The following GLB1 variants were observed in gnomAD, a reference collection of about 807,000 sequenced individuals.
The protein encoded by GLB1 is beta-galactosidase.
Under a neutral mutation model 74.0 loss-of-function variants are expected in GLB1, and 56 were observed. The ratio of observed to expected loss-of-function variants is 0.76; its 90% CI spans 0.61 to 0.94. GLB1 has a LOEUF of 0.94. Among genes scored for constraint, GLB1 ranks in the 40% least tolerant of loss-of-function variants. The pLI is 0.00. For synonymous variants in GLB1, 323 were observed against 323.6 expected (o/e 1.00, Z 0.02); for missense variants, 787 against 845.5 (o/e 0.93, Z 0.86).
At chr3:32,993,680 G>A (rs532046760), downstream of GLB1, among the ~76,000 whole-genome samples, 28 of 151,862 alleles carry the variant, frequency 1.8e-4, no homozygotes, top group East Asian at 5.4e-3. Context: ...GATTACAGGT[G>A]CCTGCCACCA....
chr3:33,096,275 G>T, intron 1 of GLB1: 1 of 575,876 alleles, frequency 1.7e-6, no homozygotes, highest in Non-Finnish European at 2.2e-6. Flanking sequence ...AGTCGCCTCA[G>T]CTCGGACGCA....
chr3:32,962,110 A>G, the GLB1 span, among the ~76,000 whole-genome samples: 3 of 151,842 alleles, frequency 2.0e-5, no homozygotes, highest in African/African-American at 7.3e-5. Flanking sequence ...AGGAGAATCG[A>G]TTAAACCCAG....
chr3:33,068,519 T>C (rs528852289), intron 3 of GLB1, among the ~76,000 whole-genome samples: 1 of 152,108 alleles, frequency 6.6e-6, no homozygotes, highest in African/African-American at 2.4e-5. Context: ...GCCCTTTTCA[T>C]AAAGATTTTT....
chr3:32,994,986 G>A (rs1452122828), downstream of GLB1, among the ~76,000 whole-genome samples: 2 of 151,852 alleles, frequency 1.3e-5, no homozygotes, highest in East Asian at 1.9e-4. Context: ...GTGGCAGAGT[G>A]CTGTAGGTGG....
At chr3:32,980,442 T>C in the GLB1 span, among the ~76,000 whole-genome samples, 1 of 152,256 alleles carries the variant, frequency 6.6e-6, no homozygotes, top group East Asian at 1.9e-4. Context: ...CCTCTAAATA[T>C]AGTGTTAGCT....
chr3:32,981,547 G>GTAGATCACT, the GLB1 span, among the ~76,000 whole-genome samples: 1 of 152,128 alleles, frequency 6.6e-6, no homozygotes, highest in African/African-American at 2.4e-5. Flanking sequence ...GCCGATATGG[G>GTAGATCACT]TAGATCACTT....
At chr3:33,091,081 G>C in intron 1 of GLB1, 7 of 985,410 alleles carry the variant, frequency 7.1e-6, no homozygotes, top group Non-Finnish European at 8.4e-6. Context: ...GCACCATCTA[G>C]CCCACCTGGT....
chr3:32,961,972 G>A, the GLB1 span, among the ~76,000 whole-genome samples: 1 of 152,194 alleles, frequency 6.6e-6, no homozygotes, highest in Non-Finnish European at 1.5e-5. Context: ...AAGGCAGGCG[G>A]ATCACTGGAG....
intron 1 of GLB1, among the ~76,000 whole-genome samples, chr3:33,084,752 A>C (rs1028343529): frequency 2.0e-5 from 3 of 152,212 alleles, no homozygotes; most frequent in African/African-American, 7.2e-5. Flanking sequence ...TAATTTCTTT[A>C]AAATTAAAAA....
chr3:33,035,823 C>A (rs1016639291), intron 10 of GLB1, among the ~76,000 whole-genome samples: 3 of 152,236 alleles, frequency 2.0e-5, no homozygotes, highest in Admixed American at 2.0e-4. Context: ...TTTTTGTTGC[C>A]TCATCCAATA....
At chr3:33,075,493 C>A (rs1700072620) in intron 1 of GLB1, among the ~76,000 whole-genome samples, 1 of 152,184 alleles carries the variant, frequency 6.6e-6, no homozygotes, top group Admixed American at 6.5e-5. Flanking sequence ...TATAGTATTA[C>A]CAAGCACCTC....
At chr3:33,003,536 A>G (rs1438996479) in intron 15 of GLB1, among the ~76,000 whole-genome samples, 2 of 152,254 alleles carry the variant, frequency 1.3e-5, no homozygotes, top group Non-Finnish European at 2.9e-5. Flanking sequence ...CTAGTTTCAA[A>G]GTTCACGGGA....
At chr3:33,017,448 G>A (rs562285919) in intron 13 of GLB1, among the ~76,000 whole-genome samples, 16 of 152,176 alleles carry the variant, frequency 1.1e-4, no homozygotes, top group South Asian at 2.1e-4. Context: ...AGTTAGAAGC[G>A]AAGAAACAGT....
At chr3:32,961,200 C>T in the GLB1 span, among the ~76,000 whole-genome samples, 1 of 152,210 alleles carries the variant, frequency 6.6e-6, no homozygotes, top group African/African-American at 2.4e-5. Context: ...TGTGAAACAG[C>T]AGCAAGAAGA....
chr3:33,034,191 G>A (rs1347798734), intron 10 of GLB1: 1 of 635,714 alleles, frequency 1.6e-6, no homozygotes, highest in Admixed American at 2.4e-5. Flanking sequence ...AACTCTGTAT[G>A]CTAGGTCCCC....
chr3:32,973,624 G>A, the GLB1 span, among the ~76,000 whole-genome samples: 1 of 152,012 alleles, frequency 6.6e-6, no homozygotes, highest in East Asian at 1.9e-4. Flanking sequence ...GGGATTACAG[G>A]CATGAGCCAC....
chr3:32,965,567 T>C, the GLB1 span, among the ~76,000 whole-genome samples: 1 of 151,700 alleles, frequency 6.6e-6, no homozygotes, highest in Admixed American at 6.6e-5. Context: ...ACTGATGATT[T>C]AATAGAAAAG....
chr3:33,029,956 G>GAAAAAAAAAA (rs55651344), intron 10 of GLB1: 1 of 130,226 alleles, frequency 7.7e-6, no homozygotes. Context: ...TAAAAGTTAA[G>GAAAAAAAAAA]AAAAAAAAAA....
At chr3:33,023,762 T>A (rs904041495) in intron 11 of GLB1, among the ~76,000 whole-genome samples, 2 of 152,188 alleles carry the variant, frequency 1.3e-5, no homozygotes, top group Non-Finnish European at 2.9e-5. Context: ...TTTCCCCCAG[T>A]GTCCCCATTT....
Sources: allele counts gnomAD v4.1 joint callset (sites outside exome capture counted in the v4.1 genomes callset), GRCh38; gene constraint gnomAD v4.1.1; transcripts MANE v1.5; gene names NCBI Gene and HGNC (gene_info 2026-07-23, HGNC 2026-07-21).